The following RANBP10 variants were observed in gnomAD, a reference collection of about 807,000 sequenced individuals.
RANBP10 encodes ran-binding protein 10.
A neutral mutation model predicts 72.8 loss-of-function variants in RANBP10; 24 were observed. The observed-to-expected ratio is 0.33, with a 90% CI of 0.24 to 0.46. The LOEUF is 0.46. RANBP10 is among the 20% of genes least tolerant of loss of function. The pLI is 1.00. For missense variants in RANBP10, 679 were observed against 817.5 expected, an observed-to-expected ratio of 0.83 and a Z score of 2.07; for synonymous variants, 310 against 322.3, an observed-to-expected ratio of 0.96 and a Z score of 0.41.
At chr16:67,791,309 G>A (rs181440500) in intron 2 of RANBP10, among the ~76,000 whole-genome samples, 4 of 152,248 alleles carry the variant, frequency 2.6e-5, no homozygotes, top group East Asian at 3.9e-4. Flanking sequence ...CACTATGCCC[G>A]GCCCAGTTTT....
chr16:67,788,125 G>A (rs970496399), intron 2 of RANBP10, among the ~76,000 whole-genome samples: 1 of 150,892 alleles, frequency 6.6e-6, no homozygotes. Flanking sequence ...GCGTGAGCCT[G>A]TAGTCCTGAG....
chr16:67,769,745 CAAAAAAAAAA>C (rs58319144), intron 3 of RANBP10, among the ~76,000 whole-genome samples: 32 of 27,756 alleles, frequency 1.2e-3, no homozygotes, highest in South Asian at 2.8e-3. Context: ...GACTCCGTCT[CAAAAAAAAAA>C]AAAAAAAAAA....
At chr16:67,739,480 G>A (rs1156394837) in intron 4 of RANBP10, among the ~76,000 whole-genome samples, 2 of 152,166 alleles carry the variant, frequency 1.3e-5, no homozygotes, top group African/African-American at 4.8e-5. Flanking sequence ...GGTGGCAGCT[G>A]CCTATCTCCA....
chr16:67,760,264 G>T (rs1309267034), intron 3 of RANBP10, among the ~76,000 whole-genome samples: 1 of 152,200 alleles, frequency 6.6e-6, no homozygotes, highest in Non-Finnish European at 1.5e-5. Context: ...CAAACACCTT[G>T]TTATTTCTTT....
At chr16:67,750,295 T>G (rs901748392) in intron 3 of RANBP10, among the ~76,000 whole-genome samples, 1 of 152,222 alleles carries the variant, frequency 6.6e-6, no homozygotes, top group Non-Finnish European at 1.5e-5. Flanking sequence ...CTCTTAGAAC[T>G]ATGCCCAAGA....
chr16:67,779,619 T>G (rs1362921363), intron 2 of RANBP10, among the ~76,000 whole-genome samples: 2 of 152,152 alleles, frequency 1.3e-5, no homozygotes, highest in Admixed American at 1.3e-4. Flanking sequence ...TGAATATGGC[T>G]GAGTTATTAG....
chr16:67,769,462 A>AAAAAAAAAAAACT (rs1567699175), intron 3 of RANBP10, among the ~76,000 whole-genome samples: 1 of 136,798 alleles, frequency 7.3e-6, no homozygotes, highest in African/African-American at 2.7e-5. Context: ...AAAAAAAAAA[A>AAAAAAAAAAAACT]GTGCTGGGCG....
chr16:67,743,018 G>A (rs1334637393), intron 4 of RANBP10, among the ~76,000 whole-genome samples: 1 of 152,204 alleles, frequency 6.6e-6, no homozygotes, highest in African/African-American at 2.4e-5. Flanking sequence ...TATGTTCTCG[G>A]CTGCCTAGCT....
intron 3 of RANBP10, among the ~76,000 whole-genome samples, chr16:67,756,268 G>A (rs1352409204): frequency 6.6e-6 from 1 of 152,242 alleles, no homozygotes; most frequent in Admixed American, 6.5e-5. Flanking sequence ...CCCAGGCAGT[G>A]AGGAATGGAG....
rs1426720027 is a variant in RANBP10 at position 67,725,552 on chromosome 16, C to G, written c.*876G>C. The G allele has an allele frequency of 6.6e-6, 1 of 152,570 alleles. No individual in the cohort carries two copies. Among genetic ancestry groups the G allele is most frequent in the Non-Finnish European group, 1.5e-5 (1 of 68,072 alleles). 9.5% of individuals were successfully genotyped at this position (152,570 alleles called of 1,614,324 possible). A position where few individuals can be genotyped will look rare whatever the true frequency, so the allele number is the denominator to read the frequency against. ...GTATTGAAAAGGGAGGAAAGGGGAG[C>G]AAGGCAGGCAGTGGGAGGTGGGGTA... On this transcript the variant is annotated 3_prime_UTR_variant, in exon 14 of 14. Transcript: ENST00000317506.
intron 3 of RANBP10, among the ~76,000 whole-genome samples, chr16:67,746,183 A>T (rs1459716934): frequency 2.0e-5 from 3 of 151,310 alleles, no homozygotes; most frequent in Non-Finnish European, 2.9e-5. Context: ...AAGAAATTTT[A>T]AAAATGAGCC....
At chr16:67,777,845 T>C (rs186711965) in intron 2 of RANBP10, among the ~76,000 whole-genome samples, 194 of 152,262 alleles carry the variant, frequency 1.3e-3, no homozygotes, top group African/African-American at 4.3e-3. Context: ...CACTTTCTGA[T>C]TTCAAAACTT....
intron 10 of RANBP10, 95 bp from the exon 11 acceptor site, chr16:67,728,606 G>A (rs777340212): frequency 1.3e-6 from 2 of 1,594,760 alleles, no homozygotes; most frequent in Non-Finnish European, 1.7e-6. Context: ...GGGTTGCTGT[G>A]GGTGAACCGA....
intron 2 of RANBP10, among the ~76,000 whole-genome samples, chr16:67,776,541 G>C (rs1171727288): frequency 7.0e-6 from 1 of 142,834 alleles, no homozygotes; most frequent in African/African-American, 2.6e-5. Context: ...TGGGAGCTAA[G>C]ACAGGCAGAT....
chr16:67,761,270 C>T (rs1232282851), intron 3 of RANBP10, among the ~76,000 whole-genome samples: 1 of 152,216 alleles, frequency 6.6e-6, no homozygotes, highest in Non-Finnish European at 1.5e-5. Flanking sequence ...CACAGCCTCA[C>T]TGGAGAGGGA....
chr16:67,763,864 T>C (rs1304732337), intron 3 of RANBP10, among the ~76,000 whole-genome samples: 1 of 152,152 alleles, frequency 6.6e-6, no homozygotes, highest in African/African-American at 2.4e-5. Context: ...CCGGCTAATT[T>C]TTTTGTACAT....
intron 3 of RANBP10, among the ~76,000 whole-genome samples, chr16:67,769,538 G>T (rs1489889528): frequency 6.7e-6 from 1 of 149,156 alleles, no homozygotes; most frequent in Non-Finnish European, 1.5e-5. Context: ...GAGGTTAAGA[G>T]ATCGAAACCA....
At chr16:67,781,066 C>G (rs998561419) in intron 2 of RANBP10, among the ~76,000 whole-genome samples, 3 of 152,354 alleles carry the variant, frequency 2.0e-5, no homozygotes, top group Non-Finnish European at 1.5e-5. Flanking sequence ...TCAGCTATTA[C>G]CTTGAGGCTG....
intron 2 of RANBP10, among the ~76,000 whole-genome samples, chr16:67,786,017 T>G (rs542300725): frequency 4.2e-4 from 57 of 135,832 alleles, no homozygotes; most frequent in Admixed American, 2.4e-3. Flanking sequence ...TAATAATAAT[T>G]AAAAAAAAAA....
Sources: gnomAD v4.1 joint callset for allele counts (sites outside exome capture counted in the v4.1 genomes callset) on GRCh38, gnomAD v4.1.1 for gene constraint, MANE v1.5 for transcripts, NCBI Gene and HGNC (gene_info 2026-07-23, HGNC 2026-07-21) for gene names.